POU2F2: variants seen among roughly 807,000 people sequenced by gnomAD.
The protein encoded by POU2F2 is POU class 2 homeobox 2.
A neutral mutation model predicts 63.5 loss-of-function variants in POU2F2; 14 were observed. The ratio of observed to expected loss-of-function variants is 0.22; its 90% CI spans 0.15 to 0.34. The LOEUF (loss-of-function observed/expected upper bound fraction) is 0.34. Among genes scored for constraint, POU2F2 ranks in the 10% least tolerant of loss-of-function variants. The pLI, the probability that POU2F2 is intolerant of heterozygous loss-of-function variation, is 1.00. For missense variants in POU2F2, 607 were observed against 815.2 expected (o/e 0.74, Z 3.11); for synonymous variants, 306 against 348.6 (o/e 0.88, Z 1.36).
chr19:42,119,546 A>G (rs1204158715), intron 4 of POU2F2, among the ~76,000 whole-genome samples: 1 of 152,102 alleles, frequency 6.6e-6, no homozygotes, highest in Non-Finnish European at 1.5e-5. Flanking sequence ...GGTGGCACAC[A>G]CCTGTAATCC....
At position 42,096,879 on chromosome 19, in the gene POU2F2, A is replaced by G. The variant is rs562123468; in HGVS notation, c.568-636T>C. ...ATGTAGATGATGCAGGAAGCTGTGC[A>G]TGTGTAGGGGCAGAGATAGATGGGA... On this transcript the variant is annotated intron_variant, in intron 7 of 14. Transcript: ENST00000692977. The surrounding 1 kb of genome is among the most constrained non-coding windows in gnomAD (Gnocchi z 4.1). 6.6e-6 allele frequency among the ~76,000 whole-genome samples: 1 copy of G among 152,298 alleles called. No individual in the cohort carries two copies. Among genetic ancestry groups the G allele is most frequent in the South Asian group, 2.1e-4 (1 of 4,830 alleles).
At chr19:42,181,862 A>C (rs930713065) in intron 1 of POU2F2, among the ~76,000 whole-genome samples, 2 of 152,220 alleles carry the variant, frequency 1.3e-5, no homozygotes, top group Non-Finnish European at 2.9e-5. Context: ...CTGGGATTAC[A>C]GGCGTGAGCC....
In POU2F2 at chr19:42,108,333, A is replaced by G. The variant is rs370084190; in HGVS notation, c.370-8512T>C. Among the ~76,000 whole-genome samples, 7 of 152,200 alleles carry G rather than the reference A, an allele frequency of 4.6e-5. No homozygotes were observed. The South Asian group carries it at 8.3e-4, about 18-fold the overall frequency. ...TGATGGGGCATGGTGGCTCGCACCT[A>G]TAGTTCCAGCACTTTGGGAGGCTGA... On this transcript the variant is annotated intron_variant, in intron 5 of 14. Transcript: ENST00000692977.
At chr19:42,091,811 C>G in intron 14 of POU2F2, 56 bp downstream of exon 14, 2 of 1,541,988 alleles carry the variant, frequency 1.3e-6, no homozygotes, top group Non-Finnish European at 1.7e-6. Flanking sequence ...TGGCAGGGCT[C>G]GAGGCCCCAG....
chr19:42,188,105 C>A (rs1224687343), intron 1 of POU2F2, among the ~76,000 whole-genome samples: 1 of 152,038 alleles, frequency 6.6e-6, no homozygotes, highest in African/African-American at 2.4e-5. Flanking sequence ...TGGCTCATGC[C>A]TATAATCCCG....
intron 2 of POU2F2, among the ~76,000 whole-genome samples, chr19:42,147,056 G>A (rs1415342423): frequency 6.6e-6 from 1 of 152,204 alleles, no homozygotes; most frequent in African/African-American, 2.4e-5. Flanking sequence ...GGCCCCCAAA[G>A]GGGGTCTTTC....
chr19:42,096,200 G>A lies in POU2F2; in HGVS notation c.611C>T (p.Pro204Leu). The change falls in exon 8 of 15, where the codon CCG becomes CTG. Residue 204 changes from proline to leucine, a missense_variant. Pro to Leu is a moderately conservative substitution (Grantham distance 98). Around this residue, in one of 7 missense-constraint regions of POU2F2, gnomAD observed 224 missense variants for 264.3 expected, o/e 0.85. Coordinates refer to ENST00000692977, the MANE Select transcript of POU2F2 (RefSeq NM_001394376.1). The surrounding 1 kb of genome is among the most constrained non-coding windows in gnomAD (Gnocchi z 4.1). Reference protein sequence around the residue: ...PTLPDPHLSHPQPPKCLEPPS... With the variant: ...PTLPDPHLSHLQPPKCLEPPS... ...TGGCTCCAAGCATTTGGGGGGCTGC[G>A]GGTGCGAGAGGTGCGGGTCGGGCAG... The A allele has an allele frequency of 1.2e-6, 2 of 1,612,292 alleles. No homozygotes were observed. The highest frequency in any genetic ancestry group is 1.7e-6 in the Non-Finnish European group (2 of 1,179,350).
chr19:42,196,889 G>T (rs551364914), upstream of POU2F2, among the ~76,000 whole-genome samples: 3 of 152,388 alleles, frequency 2.0e-5, no homozygotes, highest in South Asian at 4.1e-4. Context: ...CCAGAGGCAC[G>T]TCTGGGGCTG....
intron 1 of POU2F2, among the ~76,000 whole-genome samples, chr19:42,182,521 G>A (rs1395053404): frequency 3.9e-5 from 6 of 152,138 alleles, no homozygotes; most frequent in South Asian, 2.1e-4. Context: ...GATAAAGACC[G>A]AAGGGAAAGA....
At chr19:42,142,051 T>C (rs933243672) in intron 2 of POU2F2, among the ~76,000 whole-genome samples, 1 of 152,240 alleles carries the variant, frequency 6.6e-6, no homozygotes, top group African/African-American at 2.4e-5. Flanking sequence ...TTTATACAAC[T>C]TGATATCATT....
chr19:42,194,187 A>G (rs1282327676), intron 1 of POU2F2, among the ~76,000 whole-genome samples: 1 of 151,680 alleles, frequency 6.6e-6, no homozygotes, highest in Non-Finnish European at 1.5e-5. Context: ...GTTCAAGACC[A>G]GCCTGGGCAA....
Position 42,152,479 on chromosome 19 carries a change from G to A in POU2F2, c.-9+7853C>T, listed in dbSNP as rs893264184. ...TCGGCTGGCTATCGACCGGGGCTGT[G>A]ACATGGTGGATCAATACGGCAGGGA... On this transcript the variant is annotated intron_variant, in intron 2 of 6. Transcript: ENST00000524801. The surrounding 1 kb of genome is among the most constrained non-coding windows in gnomAD (Gnocchi z 4.1). The A allele has an allele frequency of 6.6e-6, 1 of 152,292 alleles. No homozygotes were observed. Among genetic ancestry groups the A allele is most frequent in the Non-Finnish European group, 1.5e-5 (1 of 68,192 alleles). 9.4% of individuals were successfully genotyped at this position (152,292 alleles called of 1,614,324 possible).
chr19:42,183,276 TAC>T (rs1254038875), intron 1 of POU2F2, among the ~76,000 whole-genome samples: 3 of 152,094 alleles, frequency 2.0e-5, no homozygotes, highest in Admixed American at 1.3e-4. Context: ...GAACAATAAA[TAC>T]ACAGTTACTG....
intron 5 of POU2F2, among the ~76,000 whole-genome samples, chr19:42,100,081 CTTTCTTTTTTTTTTT>C (rs2077074626): frequency 9.5e-6 from 1 of 104,746 alleles, no homozygotes; most frequent in Non-Finnish European, 2.0e-5. Flanking sequence ...TTTACCCTTT[CTTTCTTTTTTTTTTT>C]TTTTTTTTTT....
At chr19:42,197,520 C>A (rs55984422), upstream of POU2F2, among the ~76,000 whole-genome samples, 1 of 152,158 alleles carries the variant, frequency 6.6e-6, no homozygotes, top group Non-Finnish European at 1.5e-5. Flanking sequence ...GCACCCATCC[C>A]TGCAAGAAAG....
chr19:42,171,431 C>CTTGTGTGTGT (rs1214603539), intron 1 of POU2F2, among the ~76,000 whole-genome samples: 7 of 138,544 alleles, frequency 5.1e-5, no homozygotes, highest in African/African-American at 1.9e-4. Flanking sequence ...GGCTGCGCTT[C>CTTGTGTGTGT]GTGTGTGTGT....
At chr19:42,119,738 C>T (rs886069562) in intron 4 of POU2F2, among the ~76,000 whole-genome samples, 6 of 151,562 alleles carry the variant, frequency 4.0e-5, no homozygotes, top group Non-Finnish European at 5.9e-5. Context: ...CACTCCAGCC[C>T]GGGTGACAGT....
chr19:42,102,263 A>C (rs2077172309), intron 5 of POU2F2, among the ~76,000 whole-genome samples: 1 of 152,146 alleles, frequency 6.6e-6, no homozygotes, highest in African/African-American at 2.4e-5. Context: ...TCAGTGAGAG[A>C]GCTAGTCATG....
At chr19:42,177,250 C>G (rs970653298), upstream of POU2F2, 1 of 155,322 alleles carries the variant, frequency 6.4e-6, no homozygotes, top group Non-Finnish European at 1.4e-5. Flanking sequence ...GCCAACGCTA[C>G]CCCCGCTCCC....
Sources: allele counts gnomAD v4.1 joint callset (sites outside exome capture counted in the v4.1 genomes callset), GRCh38; gene constraint gnomAD v4.1.1; regional missense constraint gnomAD v4.1.1; non-coding constraint Gnocchi (gnomAD v3.1); transcripts MANE v1.5; gene names NCBI Gene and HGNC (gene_info 2026-07-23, HGNC 2026-07-21).